LEPR: variants seen among roughly 807,000 people sequenced by gnomAD.
LEPR encodes OB receptor.
Under a neutral mutation model 114.7 loss-of-function variants are expected in LEPR, and 56 were observed. The observed-to-expected ratio is 0.49, with a 90% CI of 0.39 to 0.61. The LOEUF (loss-of-function observed/expected upper bound fraction) is 0.61. Ranked by LOEUF, LEPR falls within the 20% of genes least tolerant of loss-of-function variation. The pLI is 0.00. For missense variants in LEPR, 1,202 were observed against 1,352.9 expected, an observed-to-expected ratio of 0.89 and a Z score of 1.75; for synonymous variants, 443 against 461.4, an observed-to-expected ratio of 0.96 and a Z score of 0.51.
chr1:65,567,368 T>G (rs1653841013), intron 3 of LEPR, among the ~76,000 whole-genome samples: 1 of 152,250 alleles, frequency 6.6e-6, no homozygotes, highest in Non-Finnish European at 1.5e-5. Context: ...TTAGTAATAT[T>G]ACATATTCTT....
chr1:65,421,560 C>A, intron 1 of LEPR: 1 of 1,342,402 alleles, frequency 7.4e-7, no homozygotes, highest in Middle Eastern at 1.8e-4. Flanking sequence ...AAAGATATCC[C>A]CAGTTAACAT....
At chr1:65,591,055 C>T (rs1198437058) in intron 5 of LEPR, among the ~76,000 whole-genome samples, 2 of 151,946 alleles carry the variant, frequency 1.3e-5, no homozygotes, top group East Asian at 3.9e-4. Flanking sequence ...TTTTAATTTT[C>T]ATGTACTTAA....
intron 2 of LEPR, among the ~76,000 whole-genome samples, chr1:65,486,991 G>T (rs1437249069): frequency 6.6e-6 from 1 of 152,096 alleles, no homozygotes; most frequent in Non-Finnish European, 1.5e-5. Flanking sequence ...TGTTAGTTCT[G>T]TTCCTACCAC....
chr1:65,499,132 G>T (rs1453442603), intron 2 of LEPR, among the ~76,000 whole-genome samples: 1 of 152,062 alleles, frequency 6.6e-6, no homozygotes. Context: ...ACTTTACTAT[G>T]TCTAAATGCC....
intron 2 of LEPR, among the ~76,000 whole-genome samples, chr1:65,548,242 T>A (rs926897599): frequency 1.3e-5 from 2 of 152,122 alleles, no homozygotes; most frequent in African/African-American, 4.8e-5. Flanking sequence ...GTGGTCAATT[T>A]TGGAATAGGT....
chr1:65,490,712 A>T (rs181672721), intron 2 of LEPR, among the ~76,000 whole-genome samples: 5 of 152,246 alleles, frequency 3.3e-5, no homozygotes, highest in African/African-American at 9.6e-5. Context: ...TTTTACGGAA[A>T]ATGGCCCATC....
At chr1:65,539,487 A>C (rs191158951) in intron 2 of LEPR, among the ~76,000 whole-genome samples, 1 of 152,308 alleles carries the variant, frequency 6.6e-6, no homozygotes, top group East Asian at 1.9e-4. Flanking sequence ...GCTGCCATTT[A>C]TGCTAAAGGC....
chr1:65,549,975 G>A (rs930919171), intron 2 of LEPR, among the ~76,000 whole-genome samples: 3 of 152,156 alleles, frequency 2.0e-5, no homozygotes, highest in Non-Finnish European at 4.4e-5. Context: ...TGATGGTGAT[G>A]TACAGATTGG....
At chr1:65,592,587 A>G (rs1342954047) in intron 5 of LEPR, 70 bp from the exon 6 acceptor site, 5 of 1,544,728 alleles carry the variant, frequency 3.2e-6, no homozygotes, top group Non-Finnish European at 4.4e-6. Flanking sequence ...AGTATTTAGT[A>G]TCCTGCTTTA....
rs372652814 is a variant in LEPR, at chr1:65,437,706, G to A, written c.-21+12328G>A. ...ACTAGGTAAATAAAGTATATGATAC[G>A]GTAGGCGCTACTGGAAAAAATATAG... On this transcript the variant is annotated intron_variant, in intron 2 of 19. Coordinates refer to ENST00000349533, the MANE Select transcript of LEPR (RefSeq NM_002303.6). Among the ~76,000 whole-genome samples the A allele has an allele frequency of 1.4e-4, 22 of 152,144 alleles. No individual in the cohort carries two copies. The South Asian group carries it at 4.4e-3, about 30-fold the overall frequency.
In LEPR at chr1:65,633,533, G is replaced by A; in HGVS notation, c.2674-2658G>A. On this transcript the variant is annotated intron_variant, in intron 19 of 19. Coordinates refer to ENST00000349533, the MANE Select transcript of LEPR (RefSeq NM_002303.6). This position sits in a 1 kb window ranked among gnomAD's most constrained non-coding sequence, Gnocchi z 4.1. ...TCTATTAAATGTCATCAAATATGTA[G>A]TAGACAATGCTGTAATTAGGTGAAC... 9.6e-7 allele frequency: 1 copy of A among 1,039,764 alleles called. No homozygotes were observed. The highest frequency in any genetic ancestry group is 4.2e-5 in the South Asian group (1 of 23,918). 64.4% of individuals were successfully genotyped at this position (1,039,764 alleles called of 1,614,324 possible). A position where few individuals can be genotyped will look rare whatever the true frequency, so the allele number is the denominator to read the frequency against.
At chr1:65,563,311 C>A (rs1653400741) in intron 2 of LEPR, among the ~76,000 whole-genome samples, 2 of 92,000 alleles carry the variant, frequency 2.2e-5, no homozygotes, top group Non-Finnish European at 4.5e-5. Context: ...ATTTCATCTT[C>A]CATCGCTGAT....
chr1:65,622,946 A>T lies in LEPR; in HGVS notation c.2638A>T (p.Asn880Tyr), dbSNP rs1278282771. 2.5e-6 allele frequency: 4 copies of T among 1,614,052 alleles called. No individual in the cohort carries two copies. Among genetic ancestry groups the T allele is most frequent in the Non-Finnish European group, 3.4e-6 (4 of 1,179,952 alleles). Residue 880 changes from asparagine (N) to tyrosine (Y), a missense_variant, in exon 19 of 20, where the codon AAT becomes TAT. Coordinates refer to ENST00000349533, the MANE Select transcript of LEPR (RefSeq NM_002303.6). ...TTGGGAAGATGTTCCGAACCCCAAG[A>T]ATTGTTCCTGGGCACAAGGACTTAA... ...LFWEDVPNPKNCSWAQGLNFQ... is the reference protein window; with the variant it reads ...LFWEDVPNPKYCSWAQGLNFQ...
At position 65,613,006 on chromosome 1, in the gene LEPR, G is replaced by A. The variant is rs1657272853; in HGVS notation, c.1995+2710G>A. ...TTAGTTTTAAAAATGAAGTCCCCATGCTTAAGGAGTAGGAGTCATGTTCCA... is the reference window on the plus strand; with the variant it reads ...TTAGTTTTAAAAATGAAGTCCCCATACTTAAGGAGTAGGAGTCATGTTCCA... On this transcript the variant is annotated intron_variant, in intron 14 of 19. Coordinates refer to ENST00000349533, the MANE Select transcript of LEPR (RefSeq NM_002303.6). Among the ~76,000 whole-genome samples the A allele has an allele frequency of 5.9e-5, 9 of 152,148 alleles. 1 individual carries two copies. The South Asian group carries it at 1.9e-3, about 31-fold the overall frequency.
intron 2 of LEPR, among the ~76,000 whole-genome samples, chr1:65,527,967 A>G (rs564531161): frequency 6.6e-6 from 1 of 152,288 alleles, no homozygotes; most frequent in East Asian, 1.9e-4. Context: ...CAACTCATTC[A>G]TGGCTTGGGA....
chr1:65,614,673 G>C (rs1473176178), intron 14 of LEPR, among the ~76,000 whole-genome samples: 1 of 152,192 alleles, frequency 6.6e-6, no homozygotes, highest in Non-Finnish European at 1.5e-5. Context: ...CACAAGCACA[G>C]GATGATCCAT....
chr1:65,621,015 T>C (rs969961683), intron 17 of LEPR, among the ~76,000 whole-genome samples: 2 of 152,086 alleles, frequency 1.3e-5, no homozygotes, highest in African/African-American at 4.8e-5. Flanking sequence ...GTGTGGAAGG[T>C]TGGGTCCTCC....
At chr1:65,590,697 ATTTC>A (rs1655637395) in intron 5 of LEPR, among the ~76,000 whole-genome samples, 2 of 151,972 alleles carry the variant, frequency 1.3e-5, no homozygotes, top group African/African-American at 4.8e-5. Context: ...AGTCTTGGGT[ATTTC>A]TTCCTAGCAG....
intron 2 of LEPR, among the ~76,000 whole-genome samples, chr1:65,466,557 A>G (rs890262169): frequency 1.3e-5 from 2 of 151,994 alleles, no homozygotes; most frequent in African/African-American, 2.4e-5. Flanking sequence ...TATTTCCTGA[A>G]TTTGAATATT....
Sources: allele counts gnomAD v4.1 joint callset (sites outside exome capture counted in the v4.1 genomes callset), GRCh38; gene constraint gnomAD v4.1.1; non-coding constraint Gnocchi (gnomAD v3.1); transcripts MANE v1.5; gene names NCBI Gene and HGNC (gene_info 2026-07-23, HGNC 2026-07-21).